SCEL: variants seen among roughly 807,000 people sequenced by gnomAD.
The protein encoded by SCEL is sciellin.
A neutral mutation model predicts 117.6 loss-of-function variants in SCEL; 113 were observed. The ratio of observed to expected loss-of-function variants is 0.96; its 90% CI spans 0.83 to 1.12. SCEL has a LOEUF of 1.12. Among genes scored for constraint, SCEL ranks in the 50% most tolerant of loss-of-function variants. SCEL has a pLI of 0.00. For missense variants in SCEL, 785 were observed against 810.8 expected, an observed-to-expected ratio of 0.97 and a Z score of 0.39; for synonymous variants, 270 against 256.2, an observed-to-expected ratio of 1.05 and a Z score of -0.51.
chr13:77,639,016 G>C (rs554579932), intron 30 of SCEL, among the ~76,000 whole-genome samples: 3 of 152,096 alleles, frequency 2.0e-5, no homozygotes, highest in Admixed American at 6.5e-5. Context: ...GTCTGTCCAC[G>C]TACCTGTATT....
chr13:77,585,268 G>A (rs1164369513), intron 9 of SCEL, among the ~76,000 whole-genome samples: 1 of 152,184 alleles, frequency 6.6e-6, no homozygotes, highest in Non-Finnish European at 1.5e-5. Flanking sequence ...GGGTTGTTAT[G>A]GGGGAATGTA....
At chr13:77,635,390 A>G (rs542588441) in intron 29 of SCEL, among the ~76,000 whole-genome samples, 2 of 152,368 alleles carry the variant, frequency 1.3e-5, no homozygotes, top group South Asian at 4.1e-4. Flanking sequence ...TGATAAAAAG[A>G]TGAGTAATAT....
chr13:77,617,006 A>G (rs1053264963), intron 24 of SCEL, among the ~76,000 whole-genome samples: 7 of 152,114 alleles, frequency 4.6e-5, no homozygotes, highest in African/African-American at 1.4e-4. Flanking sequence ...ATAGCAAACT[A>G]TATAAGAGGA....
chr13:77,588,716 T>G (rs570906619), intron 9 of SCEL, among the ~76,000 whole-genome samples: 2 of 152,284 alleles, frequency 1.3e-5, no homozygotes, highest in South Asian at 4.2e-4. Context: ...TCTCTGAAAT[T>G]AAAGCCTTTT....
intron 30 of SCEL, among the ~76,000 whole-genome samples, chr13:77,638,358 A>G (rs1221323638): frequency 6.6e-6 from 1 of 152,222 alleles, no homozygotes; most frequent in Admixed American, 6.5e-5. Flanking sequence ...AACTACAGAT[A>G]TCATCTGGAT....
At chr13:77,575,227 G>GT (rs750231907) in intron 9 of SCEL, among the ~76,000 whole-genome samples, 38 of 151,968 alleles carry the variant, frequency 2.5e-4, no homozygotes, top group Non-Finnish European at 4.6e-4. Flanking sequence ...CAAGCCCAAT[G>GT]TAAACCACAC....
At position 77,535,841 on chromosome 13, in the gene SCEL, T is replaced by C. The variant is rs1428182419; in HGVS notation, c.-20+17T>C. ...TCAATAGAGGTAAGTTGAATTATAC[T>C]TGCAAACAGAAATACATCTGCTGTA... On this transcript the variant is annotated intron_variant, in intron 1 of 32. Coordinates refer to ENST00000349847, the MANE Select transcript of SCEL (RefSeq NM_144777.3). 6.6e-6 allele frequency: 1 copy of C among 152,244 alleles called. No individual in the cohort carries two copies. Among genetic ancestry groups the C allele is most frequent in the Non-Finnish European group, 1.5e-5 (1 of 68,034 alleles). 9.4% of individuals were successfully genotyped at this position (152,244 alleles called of 1,614,324 possible). A position where few individuals can be genotyped will look rare whatever the true frequency, so the allele number is the denominator to read the frequency against.
intron 22 of SCEL, among the ~76,000 whole-genome samples, chr13:77,612,624 A>G (rs1021663962): frequency 1.3e-5 from 2 of 151,804 alleles, no homozygotes; most frequent in Non-Finnish European, 2.9e-5. Context: ...CCACACAGAT[A>G]AAGTATGTAA....
intron 4 of SCEL, among the ~76,000 whole-genome samples, chr13:77,562,872 T>A (rs1050237249): frequency 7.2e-5 from 11 of 152,262 alleles, no homozygotes; most frequent in African/African-American, 2.7e-4. Context: ...AAATCTTTAG[T>A]ATCTAGTCTT....
At chr13:77,547,274 C>T (rs757510241) in intron 1 of SCEL, among the ~76,000 whole-genome samples, 25 of 151,984 alleles carry the variant, frequency 1.6e-4, no homozygotes, top group Non-Finnish European at 3.1e-4. Flanking sequence ...CGTGGCATTC[C>T]GGAGGAATTC....
chr13:77,595,868 C>G (rs1339015073), intron 12 of SCEL, among the ~76,000 whole-genome samples: 7 of 152,194 alleles, frequency 4.6e-5, no homozygotes, highest in Non-Finnish European at 7.3e-5. Flanking sequence ...CACCTATGTA[C>G]TGGCTGTTAA....
intron 1 of SCEL, 126 bp from the exon 2 acceptor site, chr13:77,555,731 C>G (rs970737253): frequency 3.2e-6 from 2 of 624,164 alleles, no homozygotes; most frequent in South Asian, 2.2e-5. Flanking sequence ...TTATGTCATG[C>G]ATTTGTTATG....
In SCEL at chr13:77,597,576, A is replaced by G; in HGVS notation, c.784A>G (p.Lys262Glu). 1 of 1,481,050 alleles carries G rather than the reference A, an allele frequency of 6.8e-7. No individual in the cohort carries two copies. Among genetic ancestry groups the G allele is most frequent in the Non-Finnish European group, 9.2e-7 (1 of 1,088,562 alleles). 91.7% of individuals were successfully genotyped at this position (1,481,050 alleles called of 1,614,324 possible). Residue 262 changes from lysine to glutamate, a missense_variant, in exon 13 of 33, where the codon AAA becomes GAA. Physicochemically the swap from Lys to Glu is moderately conservative, Grantham distance 56. Transcript: ENST00000349847. ...EELDNLIKMN[K>E]SLNRNQGLDS... ...ATTGGATAATCTCATCAAAATGAACAAAAGCTTGAATAGGTAAGATTTTTA... is the reference window on the plus strand; with the variant it reads ...ATTGGATAATCTCATCAAAATGAACGAAAGCTTGAATAGGTAAGATTTTTA...
intron 3 of SCEL, among the ~76,000 whole-genome samples, chr13:77,559,383 C>T (rs973232706): frequency 1.3e-5 from 2 of 152,228 alleles, no homozygotes; most frequent in East Asian, 1.9e-4. Context: ...CACCAACATA[C>T]CCAGACGTAA....
chr13:77,561,243 A>G (rs1263337928), intron 4 of SCEL, among the ~76,000 whole-genome samples: 3 of 152,218 alleles, frequency 2.0e-5, no homozygotes, highest in African/African-American at 7.2e-5. Context: ...GTGTTTTTTA[A>G]GTGTGAAATA....
chr13:77,620,315 C>T (rs1220947750), intron 27 of SCEL, among the ~76,000 whole-genome samples: 2 of 152,110 alleles, frequency 1.3e-5, no homozygotes, highest in Non-Finnish European at 2.9e-5. Flanking sequence ...GATTTTAATG[C>T]AGCTATAAAG....
At chr13:77,573,356 A>G (rs1227740916) in intron 9 of SCEL, among the ~76,000 whole-genome samples, 3 of 152,228 alleles carry the variant, frequency 2.0e-5, no homozygotes, top group African/African-American at 7.2e-5. Context: ...CTCAACATCT[A>G]GAATATTTTC....
At position 77,537,320 on chromosome 13, in the gene SCEL, AG is replaced by A. The variant is rs1258908631; in HGVS notation, c.-20+1497del. On this transcript the variant is annotated intron_variant, in intron 1 of 32. Transcript: ENST00000349847. Reference sequence around the variant, plus strand: ...AGCATAAATGTTAAGCAACTTGTGAAGATCAGAGTAGCAGAACCAGAGCACG... The same window carrying A: ...AGCATAAATGTTAAGCAACTTGTGAAATCAGAGTAGCAGAACCAGAGCACG... Among the ~76,000 whole-genome samples the A allele has an allele frequency of 7.2e-5, 11 of 152,366 alleles. No homozygotes were observed. In the East Asian group the frequency reaches 2.1e-3, roughly 29 times the overall value.
intron 7 of SCEL, among the ~76,000 whole-genome samples, chr13:77,568,543 T>C (rs1338637357): frequency 6.6e-6 from 1 of 152,124 alleles, no homozygotes; most frequent in African/African-American, 2.4e-5. Flanking sequence ...CAATCATTAC[T>C]CTATCCAAAC....
Sources: allele counts gnomAD v4.1 joint callset (sites outside exome capture counted in the v4.1 genomes callset), GRCh38; gene constraint gnomAD v4.1.1; transcripts MANE v1.5; gene names NCBI Gene and HGNC (gene_info 2026-07-23, HGNC 2026-07-21).